The following GBE1 variants were observed in gnomAD, a reference collection of about 807,000 sequenced individuals.
GBE1 encodes 1,4-alpha-glucan branching enzyme 1, also known as 1,4-alpha-glucan-branching enzyme.
GBE1 carries 70 observed loss-of-function variants against 88.8 expected under a neutral mutation model. That is an observed-to-expected ratio of 0.79 (90% CI 0.65 to 0.96). The LOEUF is 0.96. Among genes scored for constraint, GBE1 ranks in the 40% least tolerant of loss-of-function variants. GBE1 has a pLI of 0.00. For synonymous variants in GBE1, 284 were observed against 300.1 expected (o/e 0.95, Z 0.56); for missense variants, 872 against 871.0 (o/e 1.00, Z -0.01).
At chr3:81,612,995 T>G in intron 7 of GBE1, 1 of 465,820 alleles carries the variant, frequency 2.1e-6, no homozygotes, top group Non-Finnish European at 3.7e-6. Flanking sequence ...AAGATACTGA[T>G]GAAGTAGGGG....
intron 14 of GBE1, among the ~76,000 whole-genome samples, chr3:81,525,463 G>A (rs894705830): frequency 4.6e-5 from 7 of 152,042 alleles, no homozygotes; most frequent in South Asian, 2.1e-4. Context: ...TTGCATCAAC[G>A]TTCATCAGGG....
intron 1 of GBE1, among the ~76,000 whole-genome samples, chr3:81,726,585 C>CTT (rs34642597): frequency 2.0e-4 from 28 of 138,654 alleles, no homozygotes; most frequent in African/African-American, 4.2e-4. Flanking sequence ...ATATTGCAGA[C>CTT]TTTTTTTTTT....
At chr3:81,590,326 G>A (rs1002927654) in intron 9 of GBE1, among the ~76,000 whole-genome samples, 1 of 151,970 alleles carries the variant, frequency 6.6e-6, no homozygotes, top group Non-Finnish European at 1.5e-5. Context: ...ACTTTGTATA[G>A]AACAGTTTTA....
At chr3:81,688,976 T>G (rs1232309907) in intron 2 of GBE1, among the ~76,000 whole-genome samples, 1 of 152,162 alleles carries the variant, frequency 6.6e-6, no homozygotes, top group African/African-American at 2.4e-5. Context: ...GCTATTAATC[T>G]AAAAATTCAC....
rs59329925 is a variant in GBE1 at position 81,760,970 on chromosome 3, G to A, written c.143+405C>T. ...GAAAGTTTTAAATGCGTAATTACAC[G>A]TGCCAGGAGTTATGCCCACGTTACT... On this transcript the variant is annotated intron_variant, in intron 1 of 15. Coordinates refer to ENST00000429644, the MANE Select transcript of GBE1 (RefSeq NM_000158.4). 5.0e-3 allele frequency among the ~76,000 whole-genome samples: 767 copies of A among 152,332 alleles called. 1 individual carries two copies. Among genetic ancestry groups the A allele is most frequent in the African/African-American group, 0.018 (735 of 41,582 alleles).
At chr3:81,539,816 A>G (rs1703121123) in intron 12 of GBE1, among the ~76,000 whole-genome samples, 1 of 152,064 alleles carries the variant, frequency 6.6e-6, no homozygotes, top group African/African-American at 2.4e-5. Flanking sequence ...AATGAGTTCA[A>G]TTTTAGGCCT....
chr3:81,632,314 A>G (rs1704525437), intron 7 of GBE1, among the ~76,000 whole-genome samples: 2 of 152,186 alleles, frequency 1.3e-5, no homozygotes, highest in African/African-American at 4.8e-5. Flanking sequence ...TCTATCTGAC[A>G]AAGAGCTAAT....
chr3:81,613,112 T>A (rs917745607), intron 7 of GBE1: 6 of 506,232 alleles, frequency 1.2e-5, no homozygotes, highest in African/African-American at 8.4e-5. Context: ...CTTCCTTTTT[T>A]AAAATGTTCT....
intron 7 of GBE1, among the ~76,000 whole-genome samples, chr3:81,604,282 CTTTCTTTTTTT>C (rs1222695070): frequency 1.8e-5 from 2 of 112,616 alleles, no homozygotes; most frequent in African/African-American, 8.5e-5. Flanking sequence ...TCTTTTCTTT[CTTTCTTTTTTT>C]TTTTTTTTTT....
intron 12 of GBE1, among the ~76,000 whole-genome samples, chr3:81,573,879 T>C (rs1158716851): frequency 6.6e-6 from 1 of 152,064 alleles, no homozygotes; most frequent in African/African-American, 2.4e-5. Context: ...CACATAATTA[T>C]ATACACACAA....
At chr3:81,641,496 C>T (rs1704677532) in intron 7 of GBE1, among the ~76,000 whole-genome samples, 1 of 151,998 alleles carries the variant, frequency 6.6e-6, no homozygotes, top group African/African-American at 2.4e-5. Flanking sequence ...GACATGAATA[C>T]AAAATACCTT....
At chr3:81,694,711 G>A (rs549792621) in intron 2 of GBE1, among the ~76,000 whole-genome samples, 1 of 152,212 alleles carries the variant, frequency 6.6e-6, no homozygotes, top group East Asian at 1.9e-4. Flanking sequence ...CAACCCAAGA[G>A]AATCAAAACT....
chr3:81,760,695 C>T (rs1333290857), intron 1 of GBE1, among the ~76,000 whole-genome samples: 1 of 152,178 alleles, frequency 6.6e-6, no homozygotes, highest in Non-Finnish European at 1.5e-5. Context: ...CAAGCTAAAA[C>T]GACATTGGCC....
chr3:81,714,323 C>T (rs1705910850), intron 1 of GBE1, among the ~76,000 whole-genome samples: 1 of 152,076 alleles, frequency 6.6e-6, no homozygotes, highest in Non-Finnish European at 1.5e-5. Flanking sequence ...GAATCCTAAT[C>T]CTACTGCTTA....
At chr3:81,596,368 T>C (rs1337868166) in intron 7 of GBE1, among the ~76,000 whole-genome samples, 1 of 151,920 alleles carries the variant, frequency 6.6e-6, no homozygotes, top group Non-Finnish European at 1.5e-5. Flanking sequence ...ACATGCACCA[T>C]GTTGGTGTGC....
At chr3:81,633,597 A>G (rs1704548629) in intron 7 of GBE1, among the ~76,000 whole-genome samples, 1 of 152,206 alleles carries the variant, frequency 6.6e-6, no homozygotes, top group Non-Finnish European at 1.5e-5. Flanking sequence ...ACCTGATATT[A>G]AAAGACATTT....
chr3:81,532,125 G>A (rs374573719), intron 14 of GBE1, among the ~76,000 whole-genome samples: 3 of 151,800 alleles, frequency 2.0e-5, no homozygotes, highest in African/African-American at 7.3e-5. Context: ...GGGAATTCAA[G>A]ACTGTCTTTC....
intron 14 of GBE1, chr3:81,509,796 A>C (rs1417230558): frequency 2.6e-5 from 4 of 151,988 alleles, no homozygotes; most frequent in Admixed American, 2.6e-4. Context: ...ATCTGTATAA[A>C]TATAACTTCT....
intron 7 of GBE1, among the ~76,000 whole-genome samples, chr3:81,632,589 C>T (rs889293438): frequency 6.6e-5 from 10 of 152,078 alleles, no homozygotes; most frequent in South Asian, 4.1e-4. Context: ...GAAATAGGAA[C>T]GCTTTTACAC....
Sources: allele counts gnomAD v4.1 joint callset (sites outside exome capture counted in the v4.1 genomes callset), GRCh38; gene constraint gnomAD v4.1.1; transcripts MANE v1.5; gene names NCBI Gene and HGNC (gene_info 2026-07-23, HGNC 2026-07-21).